Variants in TAX1BP1 observed in about 807,000 individuals in gnomAD.
TAX1BP1 encodes tax1-binding protein 1.
Under a neutral mutation model 97.7 loss-of-function variants are expected in TAX1BP1, and 62 were observed. The ratio of observed to expected loss-of-function variants is 0.63; its 90% CI spans 0.52 to 0.78. The LOEUF is 0.78. Among genes scored for constraint, TAX1BP1 ranks in the 30% least tolerant of loss-of-function variants. The pLI is 0.00. For missense variants in TAX1BP1, 867 were observed against 916.1 expected (o/e 0.95, Z 0.69); for synonymous variants, 340 against 304.2 (o/e 1.12, Z -1.23).
chr7:27,828,998 C>A lies in TAX1BP1; in HGVS notation c.*169C>A. ...TGGTGTTACTAGGATCAGGGTCAGT[C>A]TTTGGCTTATCAATAAATTTTAATC... On this transcript the variant is annotated 3_prime_UTR_variant, in exon 17 of 17. Coordinates refer to ENST00000396319, the MANE Select transcript of TAX1BP1 (RefSeq NM_006024.7). 2.0e-6 allele frequency: 1 copy of A among 509,148 alleles called. No homozygotes were observed. Among genetic ancestry groups the A allele is most frequent in the Non-Finnish European group, 3.4e-6 (1 of 295,628 alleles). The allele number at this position is 509,148 out of a possible 1,614,324, so 31.5% of individuals were successfully genotyped here.
intron 13 of TAX1BP1, among the ~76,000 whole-genome samples, chr7:27,803,487 A>G (rs889499624): frequency 7.9e-5 from 12 of 152,236 alleles, no homozygotes; most frequent in East Asian, 3.9e-4. Context: ...GTGGTTCCCA[A>G]TCCCCTTTCA....
At chr7:27,800,719 A>C (rs115961023) in intron 13 of TAX1BP1, among the ~76,000 whole-genome samples, 1,799 of 152,332 alleles carry the variant, frequency 0.012, 34 homozygotes, top group African/African-American at 0.039. Context: ...AATACTGTAA[A>C]AGCAAGTGAT....
chr7:27,741,180 G>A (rs1460851468), intron 1 of TAX1BP1, among the ~76,000 whole-genome samples: 2 of 152,320 alleles, frequency 1.3e-5, no homozygotes, highest in Non-Finnish European at 2.9e-5. Context: ...TGATTTTTCA[G>A]CTGTCTGCAT....
chr7:27,739,438 A>C (rs927413503), upstream of TAX1BP1: 1 of 152,234 alleles, frequency 6.6e-6, no homozygotes, highest in Non-Finnish European at 1.5e-5. Flanking sequence ...TACGATTCAA[A>C]CTGAATGTCC....
In TAX1BP1 at chr7:27,793,090, G is replaced by C; in HGVS notation, c.1288G>C (p.Glu430Gln). The C allele has an allele frequency of 6.2e-7, 1 of 1,600,532 alleles. No individual in the cohort carries two copies. Among genetic ancestry groups the C allele is most frequent in the Non-Finnish European group, 8.5e-7 (1 of 1,177,016 alleles). The change falls in exon 10 of 17, where the codon GAA (glutamate) becomes CAA (glutamine). Residue 430 changes from glutamate (E) to glutamine (Q), a missense_variant. By Grantham distance (29) the Glu-to-Gln change is conservative (BLOSUM62 2). This residue lies in a region of TAX1BP1 where 822 missense variants were observed against 851.4 expected (regional missense o/e 0.97). Coordinates refer to ENST00000396319, the MANE Select transcript of TAX1BP1 (RefSeq NM_006024.7). ...GGACAAGACTGATACACTGGAACAC[G>C]AACTAAGAAGAGAAGTTGAAGATCT... The part of the protein sequence containing the change: ...DQDKTDTLEH[E>Q]LRREVEDLKL...
intron 5 of TAX1BP1, among the ~76,000 whole-genome samples, chr7:27,779,982 G>A (rs933417670): frequency 6.6e-6 from 1 of 152,164 alleles, no homozygotes; most frequent in African/African-American, 2.4e-5. Context: ...TTTAACTGAT[G>A]ATAATTTAGA....
At chr7:27,777,788 C>T (rs1424772737) in intron 5 of TAX1BP1, among the ~76,000 whole-genome samples, 1 of 152,186 alleles carries the variant, frequency 6.6e-6, no homozygotes, top group African/African-American at 2.4e-5. Context: ...TCTCTCTAGA[C>T]AGTAATAAGC....
At chr7:27,744,282 C>T (rs1291490962) in intron 1 of TAX1BP1, among the ~76,000 whole-genome samples, 25 of 152,082 alleles carry the variant, frequency 1.6e-4, no homozygotes, top group Non-Finnish European at 1.5e-5. Context: ...CCTGCCACCT[C>T]GCCCGGCTAA....
intron 12 of TAX1BP1, among the ~76,000 whole-genome samples, chr7:27,797,709 G>A (rs940104271): frequency 1.3e-5 from 2 of 151,874 alleles, no homozygotes; most frequent in Admixed American, 6.6e-5. Context: ...TGAATTCAGG[G>A]TAGTTTTTTG....
chr7:27,772,164 T>C (rs1400023278), intron 5 of TAX1BP1: 2 of 151,780 alleles, frequency 1.3e-5, no homozygotes, highest in Non-Finnish European at 2.9e-5. Flanking sequence ...TTTTTTTTTT[T>C]TATGAATTTG....
chr7:27,752,553 A>G (rs1007605504), intron 2 of TAX1BP1, among the ~76,000 whole-genome samples: 1 of 152,216 alleles, frequency 6.6e-6, no homozygotes, highest in Non-Finnish European at 1.5e-5. Context: ...TGAGTACATT[A>G]TTGAAATGAT....
intron 1 of TAX1BP1, among the ~76,000 whole-genome samples, chr7:27,746,686 G>T (rs966320853): frequency 1.3e-5 from 2 of 150,344 alleles, no homozygotes; most frequent in Non-Finnish European, 3.0e-5. Flanking sequence ...CTTTATTAGT[G>T]CAGAGGTAAA....
At chr7:27,764,611 T>C (rs1029950725) in intron 3 of TAX1BP1, among the ~76,000 whole-genome samples, 4 of 152,206 alleles carry the variant, frequency 2.6e-5, no homozygotes, top group African/African-American at 7.2e-5. Flanking sequence ...ATGAATATTA[T>C]GAGGGAGCTA....
chr7:27,759,726 G>A (rs1036401907), intron 3 of TAX1BP1, among the ~76,000 whole-genome samples: 2 of 152,120 alleles, frequency 1.3e-5, no homozygotes, highest in East Asian at 3.8e-4. Context: ...TTAGCAGAAA[G>A]AAGTTTACAT....
At chr7:27,811,255 C>T (rs1275659162) in intron 13 of TAX1BP1, among the ~76,000 whole-genome samples, 1 of 152,114 alleles carries the variant, frequency 6.6e-6, no homozygotes, top group Non-Finnish European at 1.5e-5. Flanking sequence ...CCATCTTAAC[C>T]TCACAGTTTT....
chr7:27,776,430 G>C (rs1583694575), intron 5 of TAX1BP1, among the ~76,000 whole-genome samples: 1 of 152,188 alleles, frequency 6.6e-6, no homozygotes, highest in East Asian at 1.9e-4. Flanking sequence ...TAGAATTCTA[G>C]ATAGATAGTT....
chr7:27,748,001 T>A (rs1445685425), intron 1 of TAX1BP1, among the ~76,000 whole-genome samples: 7 of 151,920 alleles, frequency 4.6e-5, no homozygotes, highest in Non-Finnish European at 8.8e-5. Context: ...CCCCAAAACC[T>A]AGGGAGAGGG....
chr7:27,770,158 G>A (rs546239001), intron 5 of TAX1BP1, among the ~76,000 whole-genome samples: 5 of 151,956 alleles, frequency 3.3e-5, no homozygotes, highest in African/African-American at 9.6e-5. Flanking sequence ...AATGATAAAC[G>A]CTGAATAAAG....
chr7:27,761,263 C>G (rs1788415096), intron 3 of TAX1BP1, among the ~76,000 whole-genome samples: 1 of 152,088 alleles, frequency 6.6e-6, no homozygotes, highest in Non-Finnish European at 1.5e-5. Context: ...ACCACCCTTC[C>G]CTGCTTTCCT....
Sources: allele counts gnomAD v4.1 joint callset (sites outside exome capture counted in the v4.1 genomes callset), GRCh38; gene constraint gnomAD v4.1.1; regional missense constraint gnomAD v4.1.1; transcripts MANE v1.5; gene names NCBI Gene and HGNC (gene_info 2026-07-23, HGNC 2026-07-21).